HEATR5A: variants seen among roughly 807,000 people sequenced by gnomAD.
HEATR5A encodes the protein HEAT repeat containing 5A, also known as HEAT repeat-containing protein 5A.
A neutral mutation model predicts 218.8 loss-of-function variants in HEATR5A; 178 were observed. The ratio of observed to expected loss-of-function variants is 0.81; its 90% CI spans 0.72 to 0.92. The LOEUF is 0.92. HEATR5A is among the 40% of genes least tolerant of loss of function. The pLI, the probability that HEATR5A is intolerant of heterozygous loss-of-function variation, is 0.00. For synonymous variants in HEATR5A, 864 were observed against 871.6 expected (o/e 0.99, Z 0.15); for missense variants, 2,420 against 2,418.9 (o/e 1.00, Z -0.01).
chr14:31,397,621 T>C (rs1240481370), intron 4 of HEATR5A, among the ~76,000 whole-genome samples: 1 of 149,330 alleles, frequency 6.7e-6, no homozygotes, highest in Non-Finnish European at 1.5e-5. Context: ...ATCGCGCCAT[T>C]GCACTCAAGC....
At chr14:31,351,371 T>C (rs1259913959) in intron 16 of HEATR5A, among the ~76,000 whole-genome samples, 1 of 152,038 alleles carries the variant, frequency 6.6e-6, no homozygotes, top group Non-Finnish European at 1.5e-5. Flanking sequence ...CACATGACTG[T>C]AGTCCTAGCT....
chr14:31,309,268 A>C (rs750605316), intron 28 of HEATR5A, 86 bp from the exon 29 acceptor site: 4 of 1,453,700 alleles, frequency 2.8e-6, no homozygotes, highest in Non-Finnish European at 3.7e-6. Context: ...GACCATTTCC[A>C]TCACTCCGAA....
chr14:31,396,916 A>G (rs1334973681), intron 4 of HEATR5A, among the ~76,000 whole-genome samples: 1 of 152,238 alleles, frequency 6.6e-6, no homozygotes, highest in Admixed American at 6.5e-5. Flanking sequence ...AAAAAGTGTT[A>G]GAACTTAACC....
At chr14:31,333,830 A>C (rs765386972) in intron 22 of HEATR5A, among the ~76,000 whole-genome samples, 11 of 151,460 alleles carry the variant, frequency 7.3e-5, no homozygotes, top group Non-Finnish European at 1.3e-4. Context: ...CCAGGAGTTC[A>C]AGACCAGCCT....
intron 18 of HEATR5A, among the ~76,000 whole-genome samples, chr14:31,348,581 T>A (rs1901097588): frequency 6.6e-6 from 1 of 152,200 alleles, no homozygotes; most frequent in Non-Finnish European, 1.5e-5. Flanking sequence ...AGACGTTGTA[T>A]CGAAAATAAA....
At chr14:31,412,331 G>A (rs1412876969) in intron 1 of HEATR5A, among the ~76,000 whole-genome samples, 3 of 151,548 alleles carry the variant, frequency 2.0e-5, no homozygotes, top group East Asian at 3.9e-4. Flanking sequence ...AGCCAGGTGC[G>A]GTGGCCTGTA....
Position 31,323,778 on chromosome 14 carries a change from T to C in HEATR5A, c.3574A>G (p.Thr1192Ala). 2 of 1,597,516 alleles carry C rather than the reference T, an allele frequency of 1.3e-6. No individual in the cohort carries two copies. Among genetic ancestry groups the C allele is most frequent in the Non-Finnish European group, 1.7e-6 (2 of 1,165,226 alleles). The change falls in exon 24 of 36, where the codon ACA becomes GCA. Residue 1192 changes from threonine to alanine, a missense_variant. By Grantham distance (58) the Thr-to-Ala change is moderately conservative. Coordinates refer to ENST00000543095, the MANE Select transcript of HEATR5A (RefSeq NM_015473.4). ...TTATCTCCTTCTTCTTCTTGCATTG[T>C]ATCCACACAAGTTACAGCTGTAAAA... ...ADFTAVTCVD[T>A]MQEEEGDKGD... is the part of the protein sequence containing the mutation.
At chr14:31,295,141 A>ACAT (rs1346252861) in intron 34 of HEATR5A, among the ~76,000 whole-genome samples, 2 of 152,186 alleles carry the variant, frequency 1.3e-5, no homozygotes, top group African/African-American at 4.8e-5. Flanking sequence ...AAAAAATAGG[A>ACAT]CATTACTCAA....
chr14:31,304,454 G>A (rs1370861832), intron 32 of HEATR5A, among the ~76,000 whole-genome samples: 2 of 151,516 alleles, frequency 1.3e-5, no homozygotes, highest in African/African-American at 4.9e-5. Context: ...TTTCACTCTT[G>A]TTGCCCAGGC....
chr14:31,296,000 A>G lies in HEATR5A; in HGVS notation c.5528T>C (p.Leu1843Ser). The part of the protein sequence containing the change: ...SLLTAITVFI[L>S]STSPEVTTIP... ...GGTAGTTACTTCTGGACTGGTAGAC[A>G]AAATAAACACTGTGATAGCAGTAAG... Residue 1843 changes from leucine (L) to serine (S), a missense_variant, in exon 34 of 36, where the codon TTG (leucine) becomes TCG (serine). By Grantham distance (145) the Leu-to-Ser change is moderately radical. Transcript: ENST00000543095. The G allele has an allele frequency of 6.2e-7, 1 of 1,613,458 alleles. No homozygotes were observed.
intron 1 of HEATR5A, among the ~76,000 whole-genome samples, chr14:31,417,320 G>A (rs1011793068): frequency 1.3e-5 from 2 of 152,182 alleles, no homozygotes; most frequent in Non-Finnish European, 2.9e-5. Flanking sequence ...AGCACTTTGG[G>A]AGGCCGAGGT....
Position 31,388,888 on chromosome 14 carries a change from C to T in HEATR5A, c.890G>A (p.Gly297Glu). 6.2e-7 allele frequency: 1 copy of T among 1,613,914 alleles called. No individual in the cohort carries two copies. Among genetic ancestry groups the T allele is most frequent in the South Asian group, 1.1e-5 (1 of 91,074 alleles). Residue 297 changes from glycine (G) to glutamate (E), a missense_variant, in exon 7 of 36, where the codon GGA (glycine) becomes GAA (glutamate). By Grantham distance (98) the Gly-to-Glu change is moderately conservative (BLOSUM62 -2). Transcript: ENST00000543095. ...AACATCCCTACTGACTGAACTGGTT[C>T]CTTTCAGCATATCTCCACTGGCTCG... ...FLRASGDMLK[G>E]TSSVSRDVRV... is the part of the protein sequence containing the mutation.
In HEATR5A at chr14:31,381,568, A is replaced by G. The variant is rs1022743313; in HGVS notation, c.1597-990T>C. On this transcript the variant is annotated intron_variant, in intron 10 of 35. Transcript: ENST00000543095. ...GACCATGTCTCCTTGGAAAAAAAAA[A>G]AAAAAAAAAAAAAGGACCAGCCTGG... Among the ~76,000 whole-genome samples the G allele has an allele frequency of 1.4e-4, 21 of 150,832 alleles. No homozygotes were observed. In the East Asian group the frequency reaches 4.1e-3, roughly 29 times the overall value.
intron 33 of HEATR5A, among the ~76,000 whole-genome samples, chr14:31,301,618 C>T (rs773576051): frequency 5.9e-4 from 90 of 152,100 alleles, no homozygotes; most frequent in Non-Finnish European, 1.0e-3. Context: ...CTCTGCCTTC[C>T]GAGAACTGGG....
At chr14:31,307,290 G>A (rs1595081071) in intron 30 of HEATR5A, among the ~76,000 whole-genome samples, 1 of 152,178 alleles carries the variant, frequency 6.6e-6, no homozygotes, top group Non-Finnish European at 1.5e-5. Flanking sequence ...TAATCTACTT[G>A]ATAAAACTTG....
chr14:31,385,877 G>A (rs900561154), intron 9 of HEATR5A, among the ~76,000 whole-genome samples: 6 of 151,902 alleles, frequency 3.9e-5, no homozygotes, highest in African/African-American at 1.2e-4. Context: ...ACAGGCATGC[G>A]CCACCATGAC....
rs754416214 is a variant in HEATR5A, at chr14:31,313,087, C to T, written c.4322G>A (p.Gly1441Glu). 1 of 1,613,526 alleles carries T rather than the reference C, an allele frequency of 6.2e-7. No homozygotes were observed. Among genetic ancestry groups the T allele is most frequent in the Non-Finnish European group, 8.5e-7 (1 of 1,179,488 alleles). The change falls in exon 28 of 36, where the codon GGA (glycine) becomes GAA (glutamate). Residue 1441 changes from glycine (G) to glutamate (E), a missense_variant. Gly to Glu is a moderately conservative substitution (Grantham distance 98). Transcript: ENST00000543095. ...GIRNGSCSSD[G>E]LLDLVYADLG... The stretch of plus-strand genomic sequence containing the variant: ...ATCTGCATAGACTAAGTCAAGCAGT[C>T]CATCTGATGAACATGATCCATTTCT...
At chr14:31,414,743 C>G (rs2031390000) in intron 1 of HEATR5A, among the ~76,000 whole-genome samples, 1 of 152,182 alleles carries the variant, frequency 6.6e-6, no homozygotes, top group Non-Finnish European at 1.5e-5. Flanking sequence ...TTGTTCATGT[C>G]TCTTACATCC....
rs780243441 is a variant in HEATR5A, at chr14:31,306,751, T to A, written c.4947A>T (p.Glu1649Asp). 5 of 1,610,350 alleles carry A rather than the reference T, an allele frequency of 3.1e-6. No individual in the cohort carries two copies. The East Asian group carries it at 1.1e-4, about 36-fold the overall frequency. ...IICAAQEHVK[E>D]KRRSAEVDDG... ...ATTTACCTTCTGCACTTCGTCTTTT[T>A]TCCTTCACATGTTCTTGAGCAGCAC... Residue 1649 changes from glutamate (E) to aspartate (D), a missense_variant, in exon 31 of 36, where the codon GAA (glutamate) becomes GAT (aspartate). Coordinates refer to ENST00000543095, the MANE Select transcript of HEATR5A (RefSeq NM_015473.4).
Sources: gnomAD v4.1 joint callset for allele counts (sites outside exome capture counted in the v4.1 genomes callset) on GRCh38, gnomAD v4.1.1 for gene constraint, MANE v1.5 for transcripts, NCBI Gene and HGNC (gene_info 2026-07-23, HGNC 2026-07-21) for gene names.